Variants in DYNC2I1 observed in about 807,000 individuals in gnomAD.
DYNC2I1 encodes the protein cytoplasmic dynein 2 intermediate chain 1.
Under a neutral mutation model 133.4 loss-of-function variants are expected in DYNC2I1, and 89 were observed. The ratio of observed to expected loss-of-function variants is 0.67; its 90% CI spans 0.56 to 0.80. The LOEUF (loss-of-function observed/expected upper bound fraction) is 0.80, where lower values mean the gene tolerates loss of function less well. Ranked by LOEUF, DYNC2I1 falls within the 30% of genes least tolerant of loss-of-function variation. DYNC2I1 has a pLI of 0.00. For missense variants in DYNC2I1, 1,291 were observed against 1,314.5 expected, an observed-to-expected ratio of 0.98 and a Z score of 0.28; for synonymous variants, 504 against 484.3, an observed-to-expected ratio of 1.04 and a Z score of -0.54.
Position 158,922,299 on chromosome 7 carries a change from G to T in DYNC2I1, c.1922-78G>T. 7 of 1,406,260 alleles carry T rather than the reference G, an allele frequency of 5.0e-6. No homozygotes were observed. The Admixed American group carries it at 8.9e-5, about 18-fold the overall frequency. 87.1% of individuals were successfully genotyped at this position (1,406,260 alleles called of 1,614,324 possible). A position where few individuals can be genotyped will look rare whatever the true frequency, so the allele number is the denominator to read the frequency against. On this transcript the variant is annotated intron_variant, in intron 15 of 24. Transcript: ENST00000407559. ...TCTTCATGAAGCTGAATTTTTTTTT[G>T]AGTATTCGGAAGTGTGTTAAATTTA...
At chr7:158,873,846 T>C in intron 3 of DYNC2I1, among the ~76,000 whole-genome samples, 1 of 151,814 alleles carries the variant, frequency 6.6e-6, no homozygotes, top group East Asian at 1.9e-4. Flanking sequence ...AGCCTCCGCC[T>C]CCCTGGTTCA....
rs373757009 is a variant in DYNC2I1 at position 158,871,291 on chromosome 7, C to A, written c.219C>A (p.Val73=). ...DARSRDRVAE[V]HTAKESPRGE... is the part of the protein sequence containing the mutation. ...GGAGCAGAGACAGGGTGGCCGAAGT[C>A]CACACCGCTAAGGAGAGTCCTCGTG... Residue 73 remains valine (V), a synonymous_variant, in exon 3 of 25, where the codon GTC becomes GTA. Coordinates refer to ENST00000407559, the MANE Select transcript of DYNC2I1 (RefSeq NM_018051.5). 11 of 1,584,866 alleles carry A rather than the reference C, an allele frequency of 6.9e-6. No homozygotes were observed. Among genetic ancestry groups the A allele is most frequent in the Non-Finnish European group, 9.4e-6 (11 of 1,164,840 alleles).
chr7:158,857,187 C>T (rs1285704816), intron 1 of DYNC2I1, among the ~76,000 whole-genome samples: 1 of 152,210 alleles, frequency 6.6e-6, no homozygotes, highest in African/African-American at 2.4e-5. Flanking sequence ...AGTTTGAATT[C>T]AGGATTTTGT....
At chr7:158,932,779 T>A (rs1481367364) in intron 21 of DYNC2I1, among the ~76,000 whole-genome samples, 1 of 152,006 alleles carries the variant, frequency 6.6e-6, no homozygotes, top group African/African-American at 2.4e-5. Context: ...AAGGCAGCAA[T>A]TACAGGTACA....
intron 8 of DYNC2I1, 75 bp from the exon 9 acceptor site, chr7:158,901,664 T>A (rs1334553055): frequency 2.1e-6 from 2 of 931,622 alleles, no homozygotes; most frequent in Non-Finnish European, 3.3e-6. Context: ...AAAACATATA[T>A]GTTTTCCCAA....
chr7:158,958,477 C>T (rs1024631635), downstream of DYNC2I1, among the ~76,000 whole-genome samples: 10 of 152,352 alleles, frequency 6.6e-5, 2 homozygotes, highest in Admixed American at 5.2e-4. Flanking sequence ...AACGGATGCT[C>T]GTCCTGGCAT....
intron 1 of DYNC2I1, among the ~76,000 whole-genome samples, chr7:158,862,467 T>C (rs568334489): frequency 6.6e-6 from 1 of 151,534 alleles, no homozygotes; most frequent in South Asian, 2.1e-4. Context: ...GGCTCATGCT[T>C]GTAATCCTGG....
intron 16 of DYNC2I1, among the ~76,000 whole-genome samples, chr7:158,922,982 CT>C (rs1182697832): frequency 6.6e-6 from 1 of 152,138 alleles, no homozygotes; most frequent in Admixed American, 6.5e-5. Context: ...ACTGAGGTTT[CT>C]TAGACTGTGT....
chr7:158,852,383 G>A (rs544735903), upstream of DYNC2I1, among the ~76,000 whole-genome samples: 10 of 151,668 alleles, frequency 6.6e-5, no homozygotes, highest in Non-Finnish European at 1.2e-4. Flanking sequence ...GCCTCTCAAA[G>A]TGTTGGGATT....
At chr7:158,952,295 G>A (rs530345163) in intron 4 of DYNC2I1, among the ~76,000 whole-genome samples, 9 of 152,278 alleles carry the variant, frequency 5.9e-5, no homozygotes, top group African/African-American at 1.9e-4. Flanking sequence ...CAGTGAGCAC[G>A]GGAGGAGCAG....
intron 23 of DYNC2I1, among the ~76,000 whole-genome samples, chr7:158,940,685 T>C (rs1851253853): frequency 6.6e-6 from 1 of 152,154 alleles, no homozygotes; most frequent in Non-Finnish European, 1.5e-5. Context: ...GGAGGAACCT[T>C]GGAAAATACA....
chr7:158,904,912 T>A, intron 10 of DYNC2I1: 1 of 283,592 alleles, frequency 3.5e-6, no homozygotes. Context: ...GGGAAAGGGC[T>A]CTGAGTTTCA....
intron 10 of DYNC2I1, 106 bp downstream of exon 10, chr7:158,902,701 G>T (rs966367253): frequency 9.8e-7 from 1 of 1,019,524 alleles, no homozygotes; most frequent in Non-Finnish European, 1.5e-6. Context: ...GGTGGGTGGA[G>T]CAGTAACATC....
At chr7:158,920,622 G>T (rs1007167029) in intron 15 of DYNC2I1, among the ~76,000 whole-genome samples, 1 of 147,238 alleles carries the variant, frequency 6.8e-6, no homozygotes, top group African/African-American at 2.5e-5. Context: ...TGTGGCCTCC[G>T]TTGGGGAACT....
chr7:158,921,034 C>T (rs1849022683), intron 15 of DYNC2I1, among the ~76,000 whole-genome samples: 1 of 152,194 alleles, frequency 6.6e-6, no homozygotes, highest in Admixed American at 6.5e-5. Flanking sequence ...AGCTGCAGTT[C>T]AGCAGTGAGT....
At chr7:158,888,579 C>T (rs1308598647) in intron 7 of DYNC2I1, among the ~76,000 whole-genome samples, 2 of 151,970 alleles carry the variant, frequency 1.3e-5, no homozygotes, top group Admixed American at 6.6e-5. Flanking sequence ...TCAAGCGATT[C>T]GTGCCTCAGC....
intron 7 of DYNC2I1, among the ~76,000 whole-genome samples, chr7:158,887,530 A>G (rs867640588): frequency 6.6e-6 from 1 of 152,210 alleles, no homozygotes; most frequent in South Asian, 2.1e-4. Flanking sequence ...TAACTTTAGC[A>G]CCCCACTTTC....
At chr7:158,951,760 C>T (rs1465391522) in intron 4 of DYNC2I1, among the ~76,000 whole-genome samples, 1 of 152,186 alleles carries the variant, frequency 6.6e-6, no homozygotes, top group Non-Finnish European at 1.5e-5. Context: ...GAGCTGGCAC[C>T]GGTTCTGAGG....
chr7:158,911,428 G>C (rs1847465119), intron 11 of DYNC2I1, 122 bp from the exon 12 acceptor site: 3 of 1,098,228 alleles, frequency 2.7e-6, no homozygotes, highest in Non-Finnish European at 3.8e-6. Flanking sequence ...ACTCACCCCA[G>C]CCTGAAGCTA....
Sources: gnomAD v4.1 joint callset for allele counts (sites outside exome capture counted in the v4.1 genomes callset) on GRCh38, gnomAD v4.1.1 for gene constraint, MANE v1.5 for transcripts, NCBI Gene and HGNC (gene_info 2026-07-23, HGNC 2026-07-21) for gene names.